The following PLEKHB1 variants were observed in gnomAD, a reference collection of about 807,000 sequenced individuals.
PLEKHB1 encodes pleckstrin homology domain-containing family B member 1.
Under a neutral mutation model 36.2 loss-of-function variants are expected in PLEKHB1, and 29 were observed. The observed-to-expected ratio is 0.80, with a 90% CI of 0.60 to 1.09. The LOEUF (loss-of-function observed/expected upper bound fraction) is 1.09, where lower values mean the gene tolerates loss of function less well. PLEKHB1 is among the 50% of genes least tolerant of loss of function. The probability of loss-of-function intolerance (pLI) is 0.00; values close to 1 mark genes in which losing one functional copy is unlikely to be tolerated. For missense variants in PLEKHB1, 330 were observed against 348.2 expected, an observed-to-expected ratio of 0.95 and a Z score of 0.42; for synonymous variants, 138 against 140.0, an observed-to-expected ratio of 0.99 and a Z score of 0.10.
intron 4 of PLEKHB1, 25 bp from the exon 5 acceptor site, chr11:73,652,950 T>A (rs1944924736): frequency 1.3e-6 from 2 of 1,596,384 alleles, no homozygotes. Context: ...TCCCTCCTCA[T>A]GGTCTGGTGG....
chr11:73,651,663 A>G, intron 3 of PLEKHB1, 125 bp from the exon 4 acceptor site: 1 of 717,274 alleles, frequency 1.4e-6, no homozygotes, highest in African/African-American at 1.7e-5. Flanking sequence ...ATATGGGATC[A>G]GAGGAGGTTG....
chr11:73,648,792 C>T, intron 1 of PLEKHB1: 2 of 1,301,228 alleles, frequency 1.5e-6, no homozygotes, highest in Non-Finnish European at 2.0e-6. Context: ...CTGGTCCCCA[C>T]CCCCACCCCA....
intron 6 of PLEKHB1, among the ~76,000 whole-genome samples, chr11:73,657,341 C>A (rs1425221847): frequency 6.6e-6 from 1 of 152,164 alleles, no homozygotes; most frequent in East Asian, 1.9e-4. Context: ...ATTTTCCATG[C>A]CCAAACTAGG....
intron 3 of PLEKHB1, among the ~76,000 whole-genome samples, chr11:73,651,024 C>T (rs1262157931): frequency 4.0e-5 from 6 of 150,294 alleles, no homozygotes; most frequent in Admixed American, 3.3e-4. Context: ...TGGTGAGATG[C>T]GGTCACATAT....
rs1945115789 is a variant in PLEKHB1, at chr11:73,661,394, T to C, written c.596-72T>C. The stretch of plus-strand genomic sequence containing the variant: ...CTTACACTGGGTTGGGCTGGAGTGA[T>C]GCAGGAAGGGTACGAAGATCACTCT... On this transcript the variant is annotated intron_variant, in intron 7 of 7. Transcript: ENST00000354190. The surrounding 1 kb of genome is among the most constrained non-coding windows in gnomAD (Gnocchi z 4.6). 1 of 1,556,952 alleles carries C rather than the reference T, an allele frequency of 6.4e-7. No individual in the cohort carries two copies. Among genetic ancestry groups the C allele is most frequent in the South Asian group, 1.1e-5 (1 of 88,816 alleles).
At chr11:73,647,125 G>A (rs1944783905) in intron 1 of PLEKHB1, among the ~76,000 whole-genome samples, 1 of 152,102 alleles carries the variant, frequency 6.6e-6, no homozygotes, top group African/African-American at 2.4e-5. Context: ...GTATTCATAG[G>A]GGAAATTTCG....
Position 73,649,509 on chromosome 11 carries a change from C to T in PLEKHB1, c.94+422C>T, listed in dbSNP as rs562659468. On this transcript the variant is annotated intron_variant, in intron 2 of 7. Coordinates refer to ENST00000354190, the MANE Select transcript of PLEKHB1 (RefSeq NM_021200.3). ...TCAAGGACAGGGGCTGGGTTTGACC[C>T]TCTGTGTGTCCACAGTCCCCCAACC... Among the ~76,000 whole-genome samples the T allele has an allele frequency of 2.3e-3, 346 of 152,300 alleles. 3 individuals carry two copies. The highest frequency in any genetic ancestry group is 7.1e-3 in the African/African-American group (294 of 41,562).
chr11:73,653,803 G>A (rs1590795249), intron 5 of PLEKHB1, among the ~76,000 whole-genome samples: 1 of 152,134 alleles, frequency 6.6e-6, no homozygotes. Flanking sequence ...GGAGTGAGTG[G>A]GTAAGGAGGG....
rs1944926893 is a variant in PLEKHB1, at chr11:73,653,000, G to A, written c.376G>A (p.Ala126Thr). The A allele has an allele frequency of 1.9e-6, 3 of 1,609,444 alleles. No individual in the cohort carries two copies. Among genetic ancestry groups the A allele is most frequent in the South Asian group, 2.2e-5 (2 of 90,438 alleles). Residue 126 changes from alanine to threonine, a missense_variant, in exon 5 of 8, where the codon GCA becomes ACA. Transcript: ENST00000354190. The stretch of plus-strand genomic sequence containing the variant: ...AGCATGGAAGACAGCACTGCTGGAG[G>A]CAAACTCCACCCCGGTGAGTCTCCC... ...ALAWKTALLEANSTPAPAGAT... is the reference protein window; with the variant it reads ...ALAWKTALLETNSTPAPAGAT...
At chr11:73,647,788 C>T (rs1590786219) in intron 1 of PLEKHB1, 1 of 983,094 alleles carries the variant, frequency 1.0e-6, no homozygotes. Flanking sequence ...ACCTGACCCT[C>T]TTGTCTGATC....
intron 5 of PLEKHB1, chr11:73,653,591 C>T (rs1156590425): frequency 2.3e-5 from 9 of 391,736 alleles, no homozygotes; most frequent in Non-Finnish European, 4.1e-5. Context: ...GTGTCTGGCC[C>T]TTTCATCCAG....
intron 3 of PLEKHB1, among the ~76,000 whole-genome samples, chr11:73,651,039 AC>A (rs1338626402): frequency 2.6e-5 from 4 of 151,364 alleles, no homozygotes; most frequent in Non-Finnish European, 5.9e-5. Context: ...ACATATGGCT[AC>A]TGGGGAGGCC....
chr11:73,657,630 C>G (rs780802907), intron 6 of PLEKHB1, among the ~76,000 whole-genome samples: 3 of 152,134 alleles, frequency 2.0e-5, no homozygotes, highest in Non-Finnish European at 4.4e-5. Flanking sequence ...AAACAGGTGC[C>G]CTCGAGGGAT....
intron 3 of PLEKHB1, chr11:73,651,471 G>A (rs1260000735): frequency 1.8e-6 from 1 of 549,542 alleles, no homozygotes; most frequent in Non-Finnish European, 3.5e-6. Context: ...ACTGGATGAA[G>A]ACGAAATGAA....
Position 73,652,966 on chromosome 11 carries a change from G to T in PLEKHB1, c.351-9G>T. The T allele has an allele frequency of 6.2e-7, 1 of 1,606,886 alleles. No homozygotes were observed. Among genetic ancestry groups the T allele is most frequent in the Non-Finnish European group, 8.5e-7 (1 of 1,175,254 alleles). On this transcript the variant is annotated splice_polypyrimidine_tract_variant and intron_variant, in intron 4 of 7. Coordinates refer to ENST00000354190, the MANE Select transcript of PLEKHB1 (RefSeq NM_021200.3). ...CCCTCCTCATGGTCTGGTGGGATTT[G>T]CTTTGCAGAGCATGGAAGACAGCAC...
chr11:73,660,781 A>T lies in PLEKHB1; in HGVS notation c.524A>T (p.Tyr175Phe). The T allele has an allele frequency of 6.2e-7, 1 of 1,600,956 alleles. No homozygotes were observed. The highest frequency in any genetic ancestry group is 8.5e-7 in the Non-Finnish European group (1 of 1,174,914). ...WVRVYSPYQDYYEVVPPNAHE... is the reference protein window; with the variant it reads ...WVRVYSPYQDFYEVVPPNAHE... The stretch of plus-strand genomic sequence containing the variant: ...CGCGTCTACAGCCCGTACCAAGACT[A>T]CTACGAGGTGGTGCCCCCCAATGCA... The change falls in exon 7 of 8, where the codon TAC (tyrosine) becomes TTC (phenylalanine). Residue 175 changes from tyrosine to phenylalanine, a missense_variant. Tyr to Phe is a conservative substitution (Grantham distance 22). Coordinates refer to ENST00000354190, the MANE Select transcript of PLEKHB1 (RefSeq NM_021200.3).
At chr11:73,654,790 A>G (rs1314951050) in intron 5 of PLEKHB1, among the ~76,000 whole-genome samples, 1 of 152,224 alleles carries the variant, frequency 6.6e-6, no homozygotes, top group Non-Finnish European at 1.5e-5. Flanking sequence ...ATGAAACAGG[A>G]GAGATGACCT....
chr11:73,659,258 A>C (rs1211136416), intron 6 of PLEKHB1, among the ~76,000 whole-genome samples: 3 of 152,018 alleles, frequency 2.0e-5, no homozygotes, highest in Non-Finnish European at 4.4e-5. Flanking sequence ...GGGAAAAGCA[A>C]CAGTTTTAGC....
At chr11:73,659,417 G>A (rs1014658737) in intron 6 of PLEKHB1, among the ~76,000 whole-genome samples, 4 of 152,010 alleles carry the variant, frequency 2.6e-5, no homozygotes, top group African/African-American at 9.7e-5. Context: ...GAAGAGAAGG[G>A]GATCCTGACC....
Sources: allele counts gnomAD v4.1 joint callset (sites outside exome capture counted in the v4.1 genomes callset), GRCh38; gene constraint gnomAD v4.1.1; non-coding constraint Gnocchi (gnomAD v3.1); transcripts MANE v1.5; gene names NCBI Gene and HGNC (gene_info 2026-07-23, HGNC 2026-07-21).